FBXL4: variants seen among roughly 807,000 people sequenced by gnomAD.
FBXL4 encodes F-box/LRR-repeat protein 4.
A neutral mutation model predicts 58.9 loss-of-function variants in FBXL4; 40 were observed. The observed-to-expected ratio is 0.68, with a 90% CI of 0.53 to 0.88. The LOEUF is 0.88. FBXL4 is among the 40% of genes least tolerant of loss of function. The pLI, the probability that FBXL4 is intolerant of heterozygous loss-of-function variation, is 0.00. For synonymous variants in FBXL4, 263 were observed against 265.5 expected (o/e 0.99, Z 0.09); for missense variants, 676 against 734.4 (o/e 0.92, Z 0.92).
At position 98,875,395 on chromosome 6, in the gene FBXL4, T is replaced by A. The variant is rs1770621411; in HGVS notation, c.1702+20A>T. The A allele has an allele frequency of 1.9e-6, 3 of 1,610,332 alleles. No homozygotes were observed. The African/African-American group carries it at 4.0e-5, about 22-fold the overall frequency. The stretch of plus-strand genomic sequence containing the variant: ...CAAGGAAACAGACATTTAAAACAAA[T>A]TTATATATTGTAACCTTACCTAATA... On this transcript the variant is annotated intron_variant, in intron 9 of 9. Transcript: ENST00000369244.
intron 1 of FBXL4, among the ~76,000 whole-genome samples, chr6:98,945,370 T>C (rs911677943): frequency 1.3e-5 from 2 of 152,188 alleles, no homozygotes; most frequent in South Asian, 2.1e-4. Flanking sequence ...TATCAATTAT[T>C]ATTAAGTGGA....
At chr6:98,927,239 A>G (rs1209679595) in intron 3 of FBXL4, among the ~76,000 whole-genome samples, 179 bp from the exon 4 acceptor site, 3 of 152,216 alleles carry the variant, frequency 2.0e-5, no homozygotes, top group African/African-American at 7.2e-5. Context: ...ATTTTTAAGA[A>G]ACCTAAATAT....
At position 98,898,752 on chromosome 6, in the gene FBXL4, A is replaced by T. The variant is rs1771496618; in HGVS notation, c.1317+516T>A. On this transcript the variant is annotated intron_variant, in intron 7 of 9. Coordinates refer to ENST00000369244, the MANE Select transcript of FBXL4 (RefSeq NM_001278716.2). ...TACACTATTACAGTAAAAGAGTTAG[A>T]TAATATATGCACTGACCCTGGAAAC... The T allele has an allele frequency of 3.0e-6, 3 of 985,188 alleles. No individual in the cohort carries two copies. In the South Asian group the frequency reaches 1.4e-4, roughly 46 times the overall value. The allele number at this position is 985,188 out of a possible 1,614,324, so 61.0% of individuals were successfully genotyped here.
intron 7 of FBXL4, among the ~76,000 whole-genome samples, chr6:98,893,624 G>A (rs370385153): frequency 1.1e-4 from 16 of 152,136 alleles, no homozygotes; most frequent in African/African-American, 3.6e-4. Flanking sequence ...CATAACACAA[G>A]TATTTGAAAG....
At chr6:98,905,850 T>C (rs971985111) in intron 5 of FBXL4, among the ~76,000 whole-genome samples, 180 bp from the exon 6 acceptor site, 1 of 152,244 alleles carries the variant, frequency 6.6e-6, no homozygotes, top group Non-Finnish European at 1.5e-5. Flanking sequence ...CATTTGACTG[T>C]AGTGCATTTC....
At chr6:98,929,571 C>CA (rs1169039097) in intron 2 of FBXL4, among the ~76,000 whole-genome samples, 37,790 of 90,390 alleles carry the variant, frequency 0.42, 6,118 homozygotes, top group East Asian at 0.71. Flanking sequence ...AACTCCGTCT[C>CA]AAAAAAAAAA....
At chr6:98,889,675 T>G (rs1311374603) in intron 7 of FBXL4, among the ~76,000 whole-genome samples, 5 of 121,480 alleles carry the variant, frequency 4.1e-5, no homozygotes, top group African/African-American at 1.4e-4. Context: ...TGACACCCTG[T>G]CTCAAAAAAA....
rs34316889 is a variant in FBXL4, at chr6:98,926,884, A to G, written c.105T>C (p.His35=). 1.9e-6 allele frequency: 3 copies of G among 1,614,096 alleles called. No homozygotes were observed. The highest frequency in any genetic ancestry group is 2.2e-5 in the East Asian group (1 of 44,886). Residue 35 remains histidine, a synonymous_variant, in exon 4 of 10, where the codon CAT becomes CAC. Coordinates refer to ENST00000369244, the MANE Select transcript of FBXL4 (RefSeq NM_001278716.2). ...TCTGGCTGTTTGATTCTATAGCTCT[A>G]TGGGTGTTCATCATTTCTCCTCTTG... ...TATRGEMMNT[H]RAIESNSQTS... is the part of the protein sequence containing the mutation.
intron 5 of FBXL4, among the ~76,000 whole-genome samples, chr6:98,916,292 T>C (rs1772342289): frequency 6.6e-6 from 1 of 152,202 alleles, no homozygotes; most frequent in Non-Finnish European, 1.5e-5. Flanking sequence ...AGAAATACCA[T>C]TTGACCCAGC....
chr6:98,933,299 C>T (rs1224775415), intron 2 of FBXL4, among the ~76,000 whole-genome samples: 1 of 152,132 alleles, frequency 6.6e-6, no homozygotes, highest in African/African-American at 2.4e-5. Flanking sequence ...TAATTCTTCT[C>T]ATATACACAG....
At position 98,875,540 on chromosome 6, in the gene FBXL4, G is replaced by A; in HGVS notation, c.1577C>T (p.Thr526Ile). 6.2e-7 allele frequency: 1 copy of A among 1,614,086 alleles called. No homozygotes were observed. The highest frequency in any genetic ancestry group is 8.5e-7 in the Non-Finnish European group (1 of 1,179,986). Residue 526 changes from threonine to isoleucine, a missense_variant, in exon 9 of 10, where the codon ACC (threonine) becomes ATC (isoleucine). Coordinates refer to ENST00000369244, the MANE Select transcript of FBXL4 (RefSeq NM_001278716.2). ...PTLQSSTGCFTRLAHQLPNLQ... is the reference protein window; with the variant it reads ...PTLQSSTGCFIRLAHQLPNLQ... Reference sequence around the variant, plus strand: ...GTTTGGGAGCTGGTGTGCCAGTCTGGTGAAGCACCCGGTGCTGCTCTGCAG... The same window carrying A: ...GTTTGGGAGCTGGTGTGCCAGTCTGATGAAGCACCCGGTGCTGCTCTGCAG...
At position 98,871,099 on chromosome 6, in the gene FBXL4, A is replaced by C. The variant is rs1770479043; in HGVS notation, c.*3179T>G. 1 of 151,922 alleles carries C rather than the reference A, an allele frequency of 6.6e-6. No homozygotes were observed. The highest frequency in any genetic ancestry group is 1.5e-5 in the Non-Finnish European group (1 of 67,970). The allele number at this position is 151,922 out of a possible 1,614,324, so 9.4% of individuals were successfully genotyped here. A position where few individuals can be genotyped will look rare whatever the true frequency, so the allele number is the denominator to read the frequency against. ...TCAGTCTCAAAAAAAAAAAAAAACAAACTCAAAAATGAAAATAAAGTTGCA... is the reference window on the plus strand; with the variant it reads ...TCAGTCTCAAAAAAAAAAAAAAACACACTCAAAAATGAAAATAAAGTTGCA... On this transcript the variant is annotated 3_prime_UTR_variant, in exon 10 of 10. Transcript: ENST00000369244.
rs1014918968 is a variant in FBXL4, at chr6:98,870,623, T to C, written c.*3655A>G. 4 of 152,208 alleles carry C rather than the reference T, an allele frequency of 2.6e-5. No individual in the cohort carries two copies. The highest frequency in any genetic ancestry group is 9.6e-5 in the African/African-American group (4 of 41,462). The allele number at this position is 152,208 out of a possible 1,614,324, so 9.4% of individuals were successfully genotyped here. ...TTGTCATACCACAATATTTTTAAATTTTTTATTACTAGTGCTTACCCATAA... is the reference window on the plus strand; with the variant it reads ...TTGTCATACCACAATATTTTTAAATCTTTTATTACTAGTGCTTACCCATAA... On this transcript the variant is annotated 3_prime_UTR_variant, in exon 10 of 10. Transcript: ENST00000369244.
At position 98,937,125 on chromosome 6, in the gene FBXL4, T is replaced by C. The variant is rs141391921; in HGVS notation, c.-308-2246A>G. Among the ~76,000 whole-genome samples, 437 of 151,980 alleles carry C rather than the reference T, an allele frequency of 2.9e-3. 3 individuals carry two copies. Among genetic ancestry groups the C allele is most frequent in the African/African-American group, 9.6e-3 (397 of 41,460 alleles). On this transcript the variant is annotated intron_variant, in intron 1 of 9. Coordinates refer to ENST00000369244, the MANE Select transcript of FBXL4 (RefSeq NM_001278716.2). ...AGGAGTTTGAGACCAGCCTGGCCAA[T>C]AGGGAAAAACCCTGTCTCTACTAAA...
chr6:98,917,311 T>G, intron 5 of FBXL4, 63 bp downstream of exon 5: 2 of 1,089,458 alleles, frequency 1.8e-6, no homozygotes, highest in Non-Finnish European at 2.6e-6. Flanking sequence ...TAAACATTAA[T>G]ATCTAAAGAT....
intron 2 of FBXL4, among the ~76,000 whole-genome samples, chr6:98,933,307 C>CA (rs1431428482): frequency 2.0e-5 from 3 of 152,150 alleles, no homozygotes; most frequent in Non-Finnish European, 4.4e-5. Context: ...CTCATATACA[C>CA]AGAGGTACCA....
intron 7 of FBXL4, among the ~76,000 whole-genome samples, chr6:98,881,834 A>C (rs1399827667): frequency 6.6e-6 from 1 of 152,096 alleles, no homozygotes; most frequent in African/African-American, 2.4e-5. Context: ...CAGAATGTTA[A>C]CATTAGAAAG....
chr6:98,942,249 C>T (rs929886371), intron 1 of FBXL4, among the ~76,000 whole-genome samples: 1 of 151,476 alleles, frequency 6.6e-6, no homozygotes, highest in African/African-American at 2.4e-5. Context: ...GGAAGACATA[C>T]TATTCAAGTA....
In FBXL4 at chr6:98,871,135, C is replaced by T. The variant is rs1181030572; in HGVS notation, c.*3143G>A. ...GAAAATAAAGTTGCAGCCAAAGTGA[C>T]TCAGATGTTAACCAAGCAAGGAAAA... On this transcript the variant is annotated 3_prime_UTR_variant, in exon 10 of 10. Transcript: ENST00000369244. The T allele has an allele frequency of 6.6e-6, 1 of 150,498 alleles. No individual in the cohort carries two copies. Among genetic ancestry groups the T allele is most frequent in the Non-Finnish European group, 1.5e-5 (1 of 67,780 alleles). The allele number at this position is 150,498 out of a possible 1,614,324, so 9.3% of individuals were successfully genotyped here. A position where few individuals can be genotyped will look rare whatever the true frequency, so the allele number is the denominator to read the frequency against.
Sources: gnomAD v4.1 joint callset for allele counts (sites outside exome capture counted in the v4.1 genomes callset) on GRCh38, gnomAD v4.1.1 for gene constraint, MANE v1.5 for transcripts, NCBI Gene and HGNC (gene_info 2026-07-23, HGNC 2026-07-21) for gene names.